Variants in ATR observed in about 807,000 individuals in gnomAD.
The protein encoded by ATR is serine/threonine-protein kinase ATR.
In ATR, 142 loss-of-function variants were observed where a neutral mutation model predicts 305.3. The observed-to-expected ratio is 0.47, with a 90% CI of 0.41 to 0.53. The LOEUF is 0.53. ATR is among the 20% of genes least tolerant of loss of function. The pLI, the probability that ATR is intolerant of heterozygous loss-of-function variation, is 0.00. For missense variants in ATR, 2,135 were observed against 3,133.1 expected (o/e 0.68, Z 7.60); for synonymous variants, 1,050 against 1,068.1 (o/e 0.98, Z 0.33).
At chr3:142,565,519 C>A (rs1028408237) in intron 3 of ATR, among the ~76,000 whole-genome samples, 6 of 151,844 alleles carry the variant, frequency 4.0e-5, no homozygotes, top group Non-Finnish European at 8.8e-5. Context: ...ATATTTTTGG[C>A]TTGAGTGCCC....
chr3:142,575,760 C>T (rs1167453091), intron 1 of ATR, among the ~76,000 whole-genome samples: 1 of 152,196 alleles, frequency 6.6e-6, no homozygotes, highest in African/African-American at 2.4e-5. Context: ...ATAGAAGGAA[C>T]AGCAAACGAT....
chr3:142,547,608 T>C (rs948676903), intron 16 of ATR, 117 bp downstream of exon 16: 141 of 1,205,002 alleles, frequency 1.2e-4, no homozygotes, highest in Non-Finnish European at 1.6e-4. Flanking sequence ...CAACTTAAAA[T>C]TTAAACAAAT....
intron 46 of ATR, chr3:142,450,756 C>T: frequency 2.0e-6 from 3 of 1,512,634 alleles, no homozygotes; most frequent in Middle Eastern, 1.8e-4. Context: ...GTCTTCAGCA[C>T]CCTAATATCA....
chr3:142,507,424 C>T (rs2032310385), intron 28 of ATR, among the ~76,000 whole-genome samples: 1 of 152,098 alleles, frequency 6.6e-6, no homozygotes, highest in South Asian at 2.1e-4. Flanking sequence ...TTCCAAACTC[C>T]TCCTCCACAA....
chr3:142,450,005 C>T, intron 46 of ATR: 3 of 304,796 alleles, frequency 9.8e-6, no homozygotes, highest in South Asian at 7.4e-5. Context: ...TCTAAGTGAG[C>T]TACTTGGAAC....
intron 5 of ATR, among the ~76,000 whole-genome samples, chr3:142,560,811 C>T (rs1013052327): frequency 6.6e-6 from 1 of 152,168 alleles, no homozygotes; most frequent in Non-Finnish European, 1.5e-5. Flanking sequence ...CTGCCCGCCT[C>T]GGCCTCCCAA....
chr3:142,486,971 A>AC (rs574998825), intron 35 of ATR, among the ~76,000 whole-genome samples: 177 of 147,736 alleles, frequency 1.2e-3, no homozygotes, highest in Non-Finnish European at 2.2e-3. Flanking sequence ...AAAAAAAAAA[A>AC]AAAAAAAAAA....
rs2108355019 is a variant in ATR at position 142,505,130 on chromosome 3, T to C, written c.5196+9A>G. 6.2e-7 allele frequency: 1 copy of C among 1,614,022 alleles called. No individual in the cohort carries two copies. The highest frequency in any genetic ancestry group is 8.5e-7 in the Non-Finnish European group (1 of 1,179,904). On this transcript the variant is annotated intron_variant, in intron 29 of 46. Coordinates refer to ENST00000350721, the MANE Select transcript of ATR (RefSeq NM_001184.4). The stretch of plus-strand genomic sequence containing the variant: ...TTTCATTACAGTTGCCTTTCAATTA[T>C]TATCTTACCTGGTCTGGTTCTAGCT...
intron 1 of ATR, among the ~76,000 whole-genome samples, chr3:142,568,531 C>A (rs2035150658): frequency 6.6e-6 from 1 of 152,198 alleles, no homozygotes; most frequent in Non-Finnish European, 1.5e-5. Flanking sequence ...CTCCAGGGCG[C>A]TAGTGGGCAG....
chr3:142,523,051 T>C (rs989247635), intron 22 of ATR, among the ~76,000 whole-genome samples: 1 of 152,198 alleles, frequency 6.6e-6, no homozygotes, highest in Non-Finnish European at 1.5e-5. Flanking sequence ...TTTTAGGCTA[T>C]TTCTAAGGTG....
chr3:142,533,978 T>C (rs967283926), intron 21 of ATR, among the ~76,000 whole-genome samples: 6 of 152,140 alleles, frequency 3.9e-5, no homozygotes, highest in Non-Finnish European at 8.8e-5. Context: ...TAGTTATTTA[T>C]ATCTAGGAAG....
chr3:142,496,515 T>C lies in ATR; in HGVS notation c.5744A>G (p.Asp1915Gly), dbSNP rs201445100. 6 of 1,609,260 alleles carry C rather than the reference T, an allele frequency of 3.7e-6. No individual in the cohort carries two copies. In the East Asian group the frequency reaches 1.3e-4, roughly 36 times the overall value. The change falls in exon 34 of 47, where the codon GAT (aspartate) becomes GGT (glycine). Residue 1915 changes from aspartate to glycine, a missense_variant. Transcript: ENST00000350721. ...GCATTCTCCAACCATTTCATTGTAATCTGGTCTAAAGGAAGTAACAACACA... is the reference window on the plus strand; with the variant it reads ...GCATTCTCCAACCATTTCATTGTAACCTGGTCTAAAGGAAGTAACAACACA... ...RALLSLNKRPDYNEMVGECWL... is the reference protein window; with the variant it reads ...RALLSLNKRPGYNEMVGECWL...
chr3:142,457,916 A>G (rs544241512), intron 44 of ATR, 161 bp from the exon 45 acceptor site: 26 of 770,072 alleles, frequency 3.4e-5, no homozygotes, highest in African/African-American at 3.2e-4. Flanking sequence ...GGAGCCATGT[A>G]GCTCTGCCTT....
Position 142,562,951 on chromosome 3 carries a change from G to T in ATR, c.451C>A (p.Gln151Lys). The T allele has an allele frequency of 1.2e-6, 2 of 1,612,754 alleles. No individual in the cohort carries two copies. Among genetic ancestry groups the T allele is most frequent in the Non-Finnish European group, 1.7e-6 (2 of 1,179,674 alleles). Residue 151 changes from glutamine (Q) to lysine (K), a missense_variant, in exon 4 of 47, where the codon CAA (glutamine) becomes AAA (lysine). Physicochemically the swap from Gln to Lys is moderately conservative, Grantham distance 53 (BLOSUM62 1). Coordinates refer to ENST00000350721, the MANE Select transcript of ATR (RefSeq NM_001184.4). ...AGGTAAACCAAGTCTTCAAAAAGTT[G>T]TAATAATTCTTTTGTGAGTACCCCA... ...IFGVLTKELL[Q>K]LFEDLVYLHR...
Position 142,538,492 on chromosome 3 carries a change from T to C in ATR, c.3715A>G (p.Ile1239Val), listed in dbSNP as rs753568308. The C allele has an allele frequency of 4.3e-6, 7 of 1,612,446 alleles. No individual in the cohort carries two copies. Among genetic ancestry groups the C allele is most frequent in the Admixed American group, 1.7e-5 (1 of 59,958 alleles). The change falls in exon 19 of 47, where the codon ATT (isoleucine) becomes GTT (valine). Residue 1239 changes from isoleucine to valine, a missense_variant. Ile to Val is a conservative substitution (Grantham distance 29). Transcript: ENST00000350721. ...TTTCAGTTACAATACCTGTTTTCAATTATGAGGTAGTGGAAGATAGCTGCA... is the reference window on the plus strand; with the variant it reads ...TTTCAGTTACAATACCTGTTTTCAACTATGAGGTAGTGGAAGATAGCTGCA... ...ETAAIFHYLI[I>V]ENRDAVQDFL...
chr3:142,508,231 A>C, intron 27 of ATR, 122 bp from the exon 28 acceptor site: 1 of 799,342 alleles, frequency 1.3e-6, no homozygotes. Context: ...TTAGGATATC[A>C]TATTTAGAAT....
intron 36 of ATR, among the ~76,000 whole-genome samples, chr3:142,482,823 C>T (rs2030608347): frequency 1.3e-5 from 2 of 148,360 alleles, no homozygotes; most frequent in South Asian, 2.1e-4. Flanking sequence ...CAGAGTGATA[C>T]TTTGTCAATT....
In ATR at chr3:142,461,947, T is replaced by C. The variant is rs749700431; in HGVS notation, c.7185A>G (p.Lys2395=). The change falls in exon 42 of 47, where the codon AAA becomes AAG. Residue 2395 remains lysine (K), a synonymous_variant. Coordinates refer to ENST00000350721, the MANE Select transcript of ATR (RefSeq NM_001184.4). ...GLRPILTKLY[K]EKGVYMTGKE... ...AAGAATTAATTTTAGTACCCTTTTC[T>C]TTATATAGTTTGGTCAGAATAGGTC... The C allele has an allele frequency of 6.2e-7, 1 of 1,613,474 alleles. No individual in the cohort carries two copies. The highest frequency in any genetic ancestry group is 8.5e-7 in the Non-Finnish European group (1 of 1,179,670).
chr3:142,553,712 T>C lies in ATR; in HGVS notation c.2561A>G (p.Tyr854Cys). ...ELFVLRMKEA[Y>C]THAQISRNNE... The stretch of plus-strand genomic sequence containing the variant: ...ATTTCTTGATATTTGGGCATGTGTA[T>C]ATGCTTCCTTCATTCTTAAGACAAA... The change falls in exon 12 of 47, where the codon TAT becomes TGT. Residue 854 changes from tyrosine to cysteine, a missense_variant. Tyr to Cys is a radical substitution (Grantham distance 194). Transcript: ENST00000350721. 1.2e-6 allele frequency: 2 copies of C among 1,612,972 alleles called. No homozygotes were observed. The highest frequency in any genetic ancestry group is 1.7e-6 in the Non-Finnish European group (2 of 1,179,084).
Sources: gnomAD v4.1 joint callset for allele counts (sites outside exome capture counted in the v4.1 genomes callset) on GRCh38, gnomAD v4.1.1 for gene constraint, MANE v1.5 for transcripts, NCBI Gene and HGNC (gene_info 2026-07-23, HGNC 2026-07-21) for gene names.